ARL5B: variants seen among roughly 807,000 people sequenced by gnomAD.
The protein encoded by ARL5B is ARF like GTPase 5B.
A neutral mutation model predicts 26.9 loss-of-function variants in ARL5B; 10 were observed. That is an observed-to-expected ratio of 0.37 (90% CI 0.23 to 0.63). ARL5B has a LOEUF of 0.63. ARL5B is among the 30% of genes least tolerant of loss of function. ARL5B has a pLI of 0.62. For synonymous variants in ARL5B, 87 were observed against 70.4 expected (o/e 1.24, Z -1.18); for missense variants, 167 against 213.9 (o/e 0.78, Z 1.37).
In ARL5B at chr10:18,681,296, C is replaced by G. The variant is rs1335333250; in HGVS notation, c.*6080C>G. 2 of 152,200 alleles carry G rather than the reference C, an allele frequency of 1.3e-5. No individual in the cohort carries two copies. Among genetic ancestry groups the G allele is most frequent in the Non-Finnish European group, 2.9e-5 (2 of 68,040 alleles). 9.4% of individuals were successfully genotyped at this position (152,200 alleles called of 1,614,324 possible). On this transcript the variant is annotated 3_prime_UTR_variant, in exon 6 of 6. Coordinates refer to ENST00000377275, the MANE Select transcript of ARL5B (RefSeq NM_178815.5). The stretch of plus-strand genomic sequence containing the variant: ...TTTAAAACAAGTAAATTAATGCATT[C>G]ACATGATCACTTCTTGAAAATGGTT...
At chr10:18,673,125 C>T (rs577340659) in intron 4 of ARL5B, among the ~76,000 whole-genome samples, 8 of 151,948 alleles carry the variant, frequency 5.3e-5, no homozygotes, top group South Asian at 2.1e-4. Flanking sequence ...TACCGTGGCG[C>T]GATCTTGGCT....
At position 18,669,107 on chromosome 10, in the gene ARL5B, C is replaced by CT. The variant is rs201952936; in HGVS notation, c.255+437dup. 4.0e-3 allele frequency among the ~76,000 whole-genome samples: 613 copies of CT among 151,978 alleles called. 6 individuals carry two copies. The highest frequency in any genetic ancestry group is 0.014 in the African/African-American group (569 of 41,514). On this transcript the variant is annotated intron_variant, in intron 3 of 5. Coordinates refer to ENST00000377275, the MANE Select transcript of ARL5B (RefSeq NM_178815.5). ...CTTTTTTGTAGGGAATTTGGGTTTC[C>CT]TTTTTTTAAAAAATAAATAAATAAA... is the stretch of plus-strand genomic sequence containing the variant.
At chr10:18,660,564 T>C (rs1205737070) in intron 1 of ARL5B, among the ~76,000 whole-genome samples, 1 of 152,252 alleles carries the variant, frequency 6.6e-6, no homozygotes, top group Non-Finnish European at 1.5e-5. Flanking sequence ...TTTCCTTTTA[T>C]GTTGGTACCA....
At chr10:18,668,406 A>G (rs995928186) in intron 2 of ARL5B, 124 bp from the exon 3 acceptor site, 1 of 991,662 alleles carries the variant, frequency 1.0e-6, no homozygotes, top group Non-Finnish European at 1.5e-6. Flanking sequence ...CAGGTTTATA[A>G]TTTTCATGCT....
At position 18,680,885 on chromosome 10, in the gene ARL5B, A is replaced by G. The variant is rs893161313; in HGVS notation, c.*5669A>G. 2.0e-5 allele frequency: 3 copies of G among 152,170 alleles called. No homozygotes were observed. Among genetic ancestry groups the G allele is most frequent in the Non-Finnish European group, 4.4e-5 (3 of 68,002 alleles). 9.4% of individuals were successfully genotyped at this position (152,170 alleles called of 1,614,324 possible). ...TAATCACACTTTGCTATTTTAACATAAATTGGTGCTTTAGAGCATTAAAGA... is the reference window on the plus strand; with the variant it reads ...TAATCACACTTTGCTATTTTAACATGAATTGGTGCTTTAGAGCATTAAAGA... On this transcript the variant is annotated 3_prime_UTR_variant, in exon 6 of 6. Coordinates refer to ENST00000377275, the MANE Select transcript of ARL5B (RefSeq NM_178815.5).
Position 18,668,697 on chromosome 10 carries a change from G to T in ARL5B, c.255+20G>T. On this transcript the variant is annotated intron_variant, in intron 3 of 5. Transcript: ENST00000377275. ...ACAGAGGTATGCTAAGATGAATTTT[G>T]AATTTTAATCCAAAGGTCCCTAGAG... is the stretch of plus-strand genomic sequence containing the variant. 6.2e-7 allele frequency: 1 copy of T among 1,604,602 alleles called. No individual in the cohort carries two copies. The highest frequency in any genetic ancestry group is 1.1e-5 in the South Asian group (1 of 90,068).
chr10:18,659,795 A>G, intron 1 of ARL5B, 112 bp downstream of exon 1: 1 of 1,534,376 alleles, frequency 6.5e-7, no homozygotes, highest in Non-Finnish European at 8.7e-7. Context: ...GGAGGAAGGG[A>G]CTTAGGCCAG....
At chr10:18,672,584 C>A in intron 3 of ARL5B, 38 bp from the exon 4 acceptor site, 1 of 1,491,614 alleles carries the variant, frequency 6.7e-7, no homozygotes, top group Non-Finnish European at 9.3e-7. Context: ...TTCAGCATCC[C>A]ATTCAATTTT....
At chr10:18,674,174 A>G (rs2059900436) in intron 5 of ARL5B, 39 bp downstream of exon 5, 6 of 1,558,500 alleles carry the variant, frequency 3.8e-6, no homozygotes, top group Non-Finnish European at 5.2e-6. Flanking sequence ...GACTTCTTTC[A>G]AATTTCTTCC....
intron 1 of ARL5B, among the ~76,000 whole-genome samples, chr10:18,662,127 C>T (rs1590223387): frequency 6.6e-6 from 1 of 152,194 alleles, no homozygotes; most frequent in East Asian, 1.9e-4. Flanking sequence ...TTTATCTATT[C>T]CAGTGGAATT....
At chr10:18,660,683 A>G (rs1278578063) in intron 1 of ARL5B, among the ~76,000 whole-genome samples, 5 of 152,164 alleles carry the variant, frequency 3.3e-5, no homozygotes, top group Non-Finnish European at 4.4e-5. Flanking sequence ...AGAACACTAA[A>G]GCAGTCTTTT....
At position 18,679,860 on chromosome 10, in the gene ARL5B, C is replaced by T. The variant is rs868417987; in HGVS notation, c.*4644C>T. On this transcript the variant is annotated 3_prime_UTR_variant, in exon 6 of 6. Transcript: ENST00000377275. ...AAAGCAGTGAATTTCTGCCTCTCCT[C>T]GTATTTAGGGTACTTAAAATTACTA... is the stretch of plus-strand genomic sequence containing the variant. 15 of 151,990 alleles carry T rather than the reference C, an allele frequency of 9.9e-5. No homozygotes were observed. The highest frequency in any genetic ancestry group is 3.4e-4 in the African/African-American group (14 of 41,526). 9.4% of individuals were successfully genotyped at this position (151,990 alleles called of 1,614,324 possible).
intron 3 of ARL5B, among the ~76,000 whole-genome samples, chr10:18,669,246 C>G (rs1055136544): frequency 4.6e-5 from 7 of 152,116 alleles, no homozygotes; most frequent in Non-Finnish European, 1.0e-4. Flanking sequence ...AGGTTCTCTC[C>G]ATTCATCTTC....
chr10:18,672,942 A>G (rs2059894315), intron 4 of ARL5B, among the ~76,000 whole-genome samples: 1 of 152,240 alleles, frequency 6.6e-6, no homozygotes, highest in Non-Finnish European at 1.5e-5. Context: ...AATTTTTCAA[A>G]GCTAAAGTTA....
chr10:18,668,785 T>C, intron 3 of ARL5B, 108 bp downstream of exon 3: 2 of 1,203,626 alleles, frequency 1.7e-6, no homozygotes, highest in East Asian at 5.3e-5. Context: ...TTTTTTTTTT[T>C]TTTAAGACGG....
At chr10:18,664,321 A>G (rs1379196477) in intron 1 of ARL5B, among the ~76,000 whole-genome samples, 1 of 151,580 alleles carries the variant, frequency 6.6e-6, no homozygotes, top group Non-Finnish European at 1.5e-5. Context: ...TCCTAGATTT[A>G]ACTGATCACT....
In ARL5B at chr10:18,681,291, G is replaced by A. The variant is rs1425288139; in HGVS notation, c.*6075G>A. 6.6e-6 allele frequency: 1 copy of A among 152,128 alleles called. No homozygotes were observed. The highest frequency in any genetic ancestry group is 2.4e-5 in the African/African-American group (1 of 41,450). 9.4% of individuals were successfully genotyped at this position (152,128 alleles called of 1,614,324 possible). On this transcript the variant is annotated 3_prime_UTR_variant, in exon 6 of 6. Coordinates refer to ENST00000377275, the MANE Select transcript of ARL5B (RefSeq NM_178815.5). ...AAAAATTTAAAACAAGTAAATTAATGCATTCACATGATCACTTCTTGAAAA... is the reference window on the plus strand; with the variant it reads ...AAAAATTTAAAACAAGTAAATTAATACATTCACATGATCACTTCTTGAAAA...
chr10:18,671,009 C>T (rs140456407), intron 3 of ARL5B, among the ~76,000 whole-genome samples: 9 of 152,168 alleles, frequency 5.9e-5, no homozygotes, highest in African/African-American at 2.2e-4. Context: ...CATTATAATA[C>T]AAGAAGTTAC....
rs1178503597 is a variant in ARL5B, at chr10:18,677,315, A to T, written c.*2099A>T. 6.6e-6 allele frequency: 1 copy of T among 152,104 alleles called. No individual in the cohort carries two copies. Among genetic ancestry groups the T allele is most frequent in the African/African-American group, 2.4e-5 (1 of 41,358 alleles). The allele number at this position is 152,104 out of a possible 1,614,324, so 9.4% of individuals were successfully genotyped here. ...ATATTAAAAGTGTTTTTAATAGTTG[A>T]TTGTATTTTGCCAACTACTAGTATA... is the stretch of plus-strand genomic sequence containing the variant. On this transcript the variant is annotated 3_prime_UTR_variant, in exon 6 of 6. Coordinates refer to ENST00000377275, the MANE Select transcript of ARL5B (RefSeq NM_178815.5).
Sources: allele counts gnomAD v4.1 joint callset (sites outside exome capture counted in the v4.1 genomes callset), GRCh38; gene constraint gnomAD v4.1.1; transcripts MANE v1.5; gene names NCBI Gene and HGNC (gene_info 2026-07-23, HGNC 2026-07-21).